The following ADAMTS13 variants were observed in gnomAD, a reference collection of about 807,000 sequenced individuals.
The protein encoded by ADAMTS13 is ADAM metallopeptidase with thrombospondin type 1 motif 13.
ADAMTS13 carries 110 observed loss-of-function variants against 155.1 expected under a neutral mutation model. The ratio of observed to expected loss-of-function variants is 0.71; its 90% CI spans 0.61 to 0.83. ADAMTS13 has a LOEUF of 0.83. Among genes scored for constraint, ADAMTS13 ranks in the 40% least tolerant of loss-of-function variants. ADAMTS13 has a pLI of 0.00. For missense variants in ADAMTS13, 1,707 were observed against 1,891.7 expected, an observed-to-expected ratio of 0.90 and a Z score of 1.81; for synonymous variants, 758 against 756.4, an observed-to-expected ratio of 1.00 and a Z score of -0.03.
chr9:133,414,447 A>C, exon 1 of ADAMTS13: 1 of 697,032 alleles, frequency 1.4e-6, no homozygotes, highest in Non-Finnish European at 2.6e-6. Context: ...GGCACCCACT[A>C]AATGCTGAGC....
chr9:133,428,743 A>G lies in ADAMTS13; in HGVS notation c.796A>G (p.Ser266Gly), dbSNP rs1185540803. 1 of 1,355,842 alleles carries G rather than the reference A, an allele frequency of 7.4e-7. No homozygotes were observed. Among genetic ancestry groups the G allele is most frequent in the African/African-American group, 1.5e-5 (1 of 65,914 alleles). 84.0% of individuals were successfully genotyped at this position (1,355,842 alleles called of 1,614,324 possible). A position where few individuals can be genotyped will look rare whatever the true frequency, so the allele number is the denominator to read the frequency against. The part of the protein sequence containing the change: ...PRAGLAWSPC[S>G]RRQLLSLLSA... Reference sequence around the variant, plus strand: ...CGCCGGCCTCGCCTGGTCCCCCTGCAGCCGCCGGCAGCTGCTGAGCCTGCT... The same window carrying G: ...CGCCGGCCTCGCCTGGTCCCCCTGCGGCCGCCGGCAGCTGCTGAGCCTGCT... The change falls in exon 7 of 29, where the codon AGC becomes GGC. Residue 266 changes from serine (S) to glycine (G), a missense_variant. This residue lies in a region of ADAMTS13 where 733 missense variants were observed against 749.6 expected (regional missense o/e 0.98). Transcript: ENST00000355699.
In ADAMTS13 at chr9:133,444,893, A is replaced by C; in HGVS notation, c.2451A>C (p.Thr817=). The C allele has an allele frequency of 6.2e-7, 1 of 1,613,230 alleles. No homozygotes were observed. Among genetic ancestry groups the C allele is most frequent in the South Asian group, 1.1e-5 (1 of 91,086 alleles). The change falls in exon 20 of 29, where the codon ACA becomes ACC. Residue 817 remains threonine, a synonymous_variant. Transcript: ENST00000355699. ...RWEVSEPSSC[T]SAGGAGLALE... The stretch of plus-strand genomic sequence containing the variant: ...AGGTGTCAGAGCCCAGCTCATGCAC[A>C]TCAGCTGGTGGAGCAGGCCTGGCCT...
At chr9:133,453,479 A>G (rs1456805163) in intron 23 of ADAMTS13, among the ~76,000 whole-genome samples, 1 of 151,674 alleles carries the variant, frequency 6.6e-6, no homozygotes, top group Non-Finnish European at 1.5e-5. Flanking sequence ...ACTCCATCTC[A>G]AAAACAAAAA....
chr9:133,426,368 C>T, intron 6 of ADAMTS13, 23 bp downstream of exon 6: 3 of 1,598,910 alleles, frequency 1.9e-6, no homozygotes, highest in Non-Finnish European at 1.7e-6. Context: ...ACCAGCTGTC[C>T]CCAGGATCTG....
chr9:133,420,669 T>G (rs1371755481), upstream of ADAMTS13, among the ~76,000 whole-genome samples: 2 of 151,776 alleles, frequency 1.3e-5, no homozygotes, highest in Non-Finnish European at 2.9e-5. Context: ...TAAGTGAGAG[T>G]GGGGGCTTTC....
chr9:133,437,756 T>C lies in ADAMTS13; in HGVS notation c.1443T>C (p.Ala481=). 6.2e-7 allele frequency: 1 copy of C among 1,613,868 alleles called. No individual in the cohort carries two copies. Among genetic ancestry groups the C allele is most frequent in the Non-Finnish European group, 8.5e-7 (1 of 1,180,022 alleles). ...TTCACTCTGCCCTCCCAGGGGATGCTCTGTGCAGACACATGTGCCGGGCCA... is the reference window on the plus strand; with the variant it reads ...TTCACTCTGCCCTCCCAGGGGATGCCCTGTGCAGACACATGTGCCGGGCCA... ...GAAVPHSQGD[A]LCRHMCRAIG... The change falls in exon 13 of 29, where the codon GCT becomes GCC. Residue 481 remains alanine, a synonymous_variant. Transcript: ENST00000355699.
At chr9:133,457,810 A>G in intron 27 of ADAMTS13, 100 bp from the exon 28 acceptor site, 1 of 1,476,086 alleles carries the variant, frequency 6.8e-7, no homozygotes, top group Non-Finnish European at 9.5e-7. Flanking sequence ...TATTGACCAC[A>G]GTGCCATGCT....
Position 133,430,013 on chromosome 9 carries a change from A to T in ADAMTS13, c.899A>T (p.Gln300Leu). The change falls in exon 8 of 29, where the codon CAG becomes CTG. Residue 300 changes from glutamine (Q) to leucine (L), a missense_variant. Transcript: ENST00000355699. ...TCCGCGGGGCACCCGCCGGATGCGC[A>T]GCCTGGCCTCTACTACAGCGCCAAC... ...PGSAGHPPDA[Q>L]PGLYYSANEQ... is the part of the protein sequence containing the mutation. 3.2e-6 allele frequency: 5 copies of T among 1,584,274 alleles called. No homozygotes were observed. Among genetic ancestry groups the T allele is most frequent in the Non-Finnish European group, 4.3e-6 (5 of 1,170,550 alleles).
At chr9:133,453,784 T>C (rs1842579938) in intron 23 of ADAMTS13, among the ~76,000 whole-genome samples, 1 of 152,194 alleles carries the variant, frequency 6.6e-6, no homozygotes, top group Non-Finnish European at 1.5e-5. Flanking sequence ...ATCCACGCTC[T>C]GAGAGGAGGT....
At chr9:133,446,653 G>T (rs1276482544) in intron 21 of ADAMTS13, among the ~76,000 whole-genome samples, 1 of 152,180 alleles carries the variant, frequency 6.6e-6, no homozygotes, top group Non-Finnish European at 1.5e-5. Flanking sequence ...GCAAATATCT[G>T]TTTGAGTTCC....
In ADAMTS13 at chr9:133,456,041, G is replaced by A; in HGVS notation, c.3401-28G>A. Reference sequence around the variant, plus strand: ...CCCTGCTGGGAATCGGGGAAGCACTGCTTACCTGTCTCCTGCTCCCTTTTC... The same window carrying A: ...CCCTGCTGGGAATCGGGGAAGCACTACTTACCTGTCTCCTGCTCCCTTTTC... On this transcript the variant is annotated intron_variant, in intron 25 of 28. Coordinates refer to ENST00000355699, the MANE Select transcript of ADAMTS13 (RefSeq NM_139027.6). The surrounding 1 kb of genome is among the most constrained non-coding windows in gnomAD (Gnocchi z 4.4). 6.2e-7 allele frequency: 1 copy of A among 1,613,042 alleles called. No homozygotes were observed. Among genetic ancestry groups the A allele is most frequent in the South Asian group, 1.1e-5 (1 of 91,090 alleles).
At chr9:133,453,983 T>G (rs1194149996) in intron 23 of ADAMTS13, among the ~76,000 whole-genome samples, 1 of 152,054 alleles carries the variant, frequency 6.6e-6, no homozygotes, top group East Asian at 1.9e-4. Flanking sequence ...CATAATTAGT[T>G]ATTGATTGAT....
intron 1 of ADAMTS13, 146 bp downstream of exon 1, chr9:133,422,694 G>C: frequency 3.9e-6 from 3 of 774,586 alleles, no homozygotes; most frequent in Non-Finnish European, 6.4e-6. Context: ...TGGGGCTTTG[G>C]GGGATGAAGT....
In ADAMTS13 at chr9:133,441,526, C is replaced by T. The variant is rs1045905604; in HGVS notation, c.1969-873C>T. ...CCGCACCGTAACCAACACAGGCTTG[C>T]GGCACTGGCCAGATGTGGGCATCGA... On this transcript the variant is annotated intron_variant, in intron 16 of 28. Coordinates refer to ENST00000355699, the MANE Select transcript of ADAMTS13 (RefSeq NM_139027.6). The surrounding 1 kb of genome is among the most constrained non-coding windows in gnomAD (Gnocchi z 5.0). 7.9e-5 allele frequency among the ~76,000 whole-genome samples: 12 copies of T among 152,202 alleles called. No homozygotes were observed. The highest frequency in any genetic ancestry group is 2.4e-4 in the African/African-American group (10 of 41,448).
At chr9:133,414,902 G>A in intron 1 of ADAMTS13, 3 of 1,614,070 alleles carry the variant, frequency 1.9e-6, no homozygotes, top group African/African-American at 1.3e-5. Context: ...CTTCACTTGA[G>A]GCGAGGTCTC....
intron 21 of ADAMTS13, among the ~76,000 whole-genome samples, chr9:133,447,135 G>A (rs587747550): frequency 1.1e-3 from 160 of 152,018 alleles, no homozygotes; most frequent in Non-Finnish European, 1.4e-3. Flanking sequence ...GATTACAGGC[G>A]TGAGCCCCCA....
At chr9:133,438,764 A>G (rs782746679) in intron 14 of ADAMTS13, among the ~76,000 whole-genome samples, 3 of 151,992 alleles carry the variant, frequency 2.0e-5, no homozygotes, top group African/African-American at 2.4e-5. Context: ...AAATACAAAA[A>G]TTAGCTGGGC....
intron 13 of ADAMTS13, 58 bp downstream of exon 13, chr9:133,437,955 T>A: frequency 6.2e-7 from 1 of 1,609,580 alleles, no homozygotes; most frequent in Non-Finnish European, 8.5e-7. Context: ...ATCGGAAGGC[T>A]CCTGGGGGCA....
In ADAMTS13 at chr9:133,456,944, T is replaced by C. The variant is rs1038915824; in HGVS notation, c.3724+225T>C. ...TCCTTTTTGGGACCGTGCAGCAAGA[T>C]GGACGGATGTGGGACATGGTCCACA... is the stretch of plus-strand genomic sequence containing the variant. On this transcript the variant is annotated intron_variant, in intron 27 of 28. Transcript: ENST00000355699. The surrounding 1 kb of genome is among the most constrained non-coding windows in gnomAD (Gnocchi z 4.4). The C allele has an allele frequency of 1.0e-5, 7 of 680,526 alleles. No homozygotes were observed. The South Asian group carries it at 1.1e-4, about 10-fold the overall frequency. The allele number at this position is 680,526 out of a possible 1,614,324, so 42.2% of individuals were successfully genotyped here.
Sources: gnomAD v4.1 joint callset for allele counts (sites outside exome capture counted in the v4.1 genomes callset) on GRCh38, gnomAD v4.1.1 for gene constraint, gnomAD v4.1.1 regional missense constraint, Gnocchi (gnomAD v3.1) non-coding constraint, MANE v1.5 for transcripts, NCBI Gene and HGNC (gene_info 2026-07-23, HGNC 2026-07-21) for gene names.